ANO4: variants seen among roughly 807,000 people sequenced by gnomAD.
The protein encoded by ANO4 is anoctamin-4.
ANO4 carries 69 observed loss-of-function variants against 141.9 expected under a neutral mutation model. That is an observed-to-expected ratio of 0.49 (90% CI 0.40 to 0.59). The LOEUF (loss-of-function observed/expected upper bound fraction) is 0.59, where lower values mean the gene tolerates loss of function less well. Among genes scored for constraint, ANO4 ranks in the 20% least tolerant of loss-of-function variants. ANO4 has a pLI of 0.00. For missense variants in ANO4, 894 were observed against 1,162.2 expected, an observed-to-expected ratio of 0.77 and a Z score of 3.36; for synonymous variants, 350 against 394.3, an observed-to-expected ratio of 0.89 and a Z score of 1.33.
chr12:100,744,702 C>G (rs1403112360), intron 3 of ANO4, among the ~76,000 whole-genome samples: 2 of 152,192 alleles, frequency 1.3e-5, no homozygotes. Flanking sequence ...GCCTCCACAG[C>G]CAGCTGGCTA....
At chr12:100,979,804 T>C (rs1017159359) in intron 7 of ANO4, among the ~76,000 whole-genome samples, 8 of 151,472 alleles carry the variant, frequency 5.3e-5, no homozygotes, top group Non-Finnish European at 1.0e-4. Flanking sequence ...CTCGGCTCAC[T>C]GCAAGCTCCG....
intron 8 of ANO4, among the ~76,000 whole-genome samples, chr12:101,007,329 G>A (rs376897475): frequency 2.0e-5 from 3 of 152,152 alleles, no homozygotes; most frequent in Non-Finnish European, 2.9e-5. Flanking sequence ...CAGCCTGGGG[G>A]AGAGAGTAAG....
At chr12:100,988,872 GAAA>G (rs748666892) in intron 8 of ANO4, among the ~76,000 whole-genome samples, 1 of 65,040 alleles carries the variant, frequency 1.5e-5, no homozygotes, top group Non-Finnish European at 2.9e-5. Flanking sequence ...CTCTGTCTCA[GAAA>G]AAAAAAAAAA....
intron 1 of ANO4, among the ~76,000 whole-genome samples, chr12:100,721,775 C>T (rs1235414392): frequency 6.6e-6 from 1 of 152,088 alleles, no homozygotes; most frequent in Non-Finnish European, 1.5e-5. Context: ...ACCTCCCTGG[C>T]TCAAGCAGTC....
At chr12:101,120,253 T>A (rs1033908792) in intron 25 of ANO4, among the ~76,000 whole-genome samples, 4 of 152,158 alleles carry the variant, frequency 2.6e-5, no homozygotes, top group African/African-American at 9.7e-5. Flanking sequence ...ATCTTGATGA[T>A]GTCACTGATC....
At chr12:101,115,669 T>C (rs2050824470) in intron 24 of ANO4, among the ~76,000 whole-genome samples, 1 of 152,218 alleles carries the variant, frequency 6.6e-6, no homozygotes, top group Non-Finnish European at 1.5e-5. Context: ...ATGTTCAATA[T>C]GTAAAACTGT....
intron 15 of ANO4, among the ~76,000 whole-genome samples, chr12:101,083,317 T>A (rs923836834): frequency 6.6e-6 from 1 of 152,216 alleles, no homozygotes; most frequent in African/African-American, 2.4e-5. Flanking sequence ...TCTCTGGTAA[T>A]AAAAGTAAAA....
At chr12:100,836,080 C>T (rs1461343755) in intron 1 of ANO4, among the ~76,000 whole-genome samples, 1 of 152,068 alleles carries the variant, frequency 6.6e-6, no homozygotes, top group African/African-American at 2.4e-5. Flanking sequence ...ATTCTGTGTG[C>T]TGAACTGCTA....
At chr12:101,004,834 G>A (rs1339822659) in intron 8 of ANO4, among the ~76,000 whole-genome samples, 4 of 152,186 alleles carry the variant, frequency 2.6e-5, no homozygotes, top group Non-Finnish European at 5.9e-5. Context: ...AGATACAGAT[G>A]AGGTATTTTG....
intron 3 of ANO4, 34 bp downstream of exon 3, chr12:100,922,364 GAGA>G: frequency 2.8e-6 from 4 of 1,450,020 alleles, no homozygotes; most frequent in Non-Finnish European, 3.7e-6. Context: ...TTCGCCGTGA[GAGA>G]AGAAGCTATT....
chr12:101,004,247 G>T lies in ANO4; in HGVS notation c.735-15787G>T, dbSNP rs1308765140. Among the ~76,000 whole-genome samples the T allele has an allele frequency of 3.3e-5, 5 of 152,046 alleles. No homozygotes were observed. The East Asian group carries it at 9.7e-4, about 29-fold the overall frequency. ...GCAGCTACTGCCTCTAGAGTTGGGGGAGCAAAATGAAGAGGTTGGGGTTAT... is the reference window on the plus strand; with the variant it reads ...GCAGCTACTGCCTCTAGAGTTGGGGTAGCAAAATGAAGAGGTTGGGGTTAT... On this transcript the variant is annotated intron_variant, in intron 8 of 27. Coordinates refer to ENST00000392977, the MANE Select transcript of ANO4 (RefSeq NM_001286615.2).
intron 1 of ANO4, among the ~76,000 whole-genome samples, chr12:100,720,434 A>C (rs1349914802): frequency 6.6e-6 from 1 of 151,868 alleles, no homozygotes; most frequent in Non-Finnish European, 1.5e-5. Context: ...GCCCTGAGTC[A>C]GGAATGAGCT....
At position 100,892,148 on chromosome 12, in the gene ANO4, T is replaced by C. The variant is rs1421559178; in HGVS notation, c.-140-9498T>C. On this transcript the variant is annotated intron_variant, in intron 1 of 27. Coordinates refer to ENST00000392977, the MANE Select transcript of ANO4 (RefSeq NM_001286615.2). The stretch of plus-strand genomic sequence containing the variant: ...CCACCACACATTTTCTCTGTCAATT[T>C]TTCCATTGATAGATACTTAGATTCC... 2.6e-5 allele frequency among the ~76,000 whole-genome samples: 4 copies of C among 152,222 alleles called. No homozygotes were observed. In the East Asian group the frequency reaches 7.7e-4, roughly 29 times the overall value.
At chr12:100,903,213 T>C (rs1273025479) in intron 2 of ANO4, among the ~76,000 whole-genome samples, 1 of 152,216 alleles carries the variant, frequency 6.6e-6, no homozygotes, top group Non-Finnish European at 1.5e-5. Context: ...TGCCAGACTT[T>C]CCTGATGCAC....
intron 9 of ANO4, 57 bp from the exon 10 acceptor site, chr12:101,037,038 A>G: frequency 6.5e-7 from 1 of 1,533,608 alleles, no homozygotes; most frequent in Non-Finnish European, 9.0e-7. Context: ...ATTTGTTTTG[A>G]ACATTGTGAG....
intron 1 of ANO4, among the ~76,000 whole-genome samples, chr12:100,813,062 G>A (rs2135710952): frequency 6.6e-6 from 1 of 152,228 alleles, no homozygotes; most frequent in East Asian, 1.9e-4. Flanking sequence ...AGCAAGTAAG[G>A]GCCTACAGTG....
intron 1 of ANO4, among the ~76,000 whole-genome samples, chr12:100,865,004 G>A (rs2038681081): frequency 6.6e-6 from 1 of 152,116 alleles, no homozygotes; most frequent in Non-Finnish European, 1.5e-5. Context: ...GTGTATATGT[G>A]CCACATTTTC....
intron 9 of ANO4, among the ~76,000 whole-genome samples, chr12:101,031,098 T>C (rs2046955897): frequency 6.6e-6 from 1 of 152,152 alleles, no homozygotes; most frequent in East Asian, 1.9e-4. Flanking sequence ...GGCCAGATCA[T>C]CCTGATACCA....
Position 101,048,323 on chromosome 12 carries a change from G to A in ANO4, c.1252-18G>A, listed in dbSNP as rs752536227. 22 of 1,611,982 alleles carry A rather than the reference G, an allele frequency of 1.4e-5. No individual in the cohort carries two copies. The highest frequency in any genetic ancestry group is 8.0e-5 in the African/African-American group (6 of 74,846). On this transcript the variant is annotated intron_variant, in intron 13 of 27. Coordinates refer to ENST00000392977, the MANE Select transcript of ANO4 (RefSeq NM_001286615.2). ...ATATATGAGAAATTAACTCAGCACC[G>A]ATTCTTATTATTCACAGGTAACCCA...
Sources: allele counts gnomAD v4.1 joint callset (sites outside exome capture counted in the v4.1 genomes callset), GRCh38; gene constraint gnomAD v4.1.1; transcripts MANE v1.5; gene names NCBI Gene and HGNC (gene_info 2026-07-23, HGNC 2026-07-21).